RGS5: variants seen among roughly 807,000 people sequenced by gnomAD.
RGS5 encodes the protein regulator of G-protein signalling 5.
A neutral mutation model predicts 18.9 loss-of-function variants in RGS5; 20 were observed. That is an observed-to-expected ratio of 1.06 (90% confidence interval 0.74 to 1.54). RGS5 has a LOEUF of 1.54. RGS5 is among the 40% of genes most tolerant of loss of function. The pLI is 0.00. For missense variants in RGS5, 201 were observed against 211.8 expected (o/e 0.95, Z 0.32); for synonymous variants, 57 against 76.2 (o/e 0.75, Z 1.31).
intron 1 of RGS5, among the ~76,000 whole-genome samples, chr1:163,173,468 C>T (rs548788943): frequency 9.9e-4 from 150 of 152,254 alleles, no homozygotes; most frequent in Non-Finnish European, 1.8e-3. Flanking sequence ...CTCAAAAGGC[C>T]ACGGACCACC....
At chr1:163,222,439 G>A (rs1394790661), upstream of RGS5, among the ~76,000 whole-genome samples, 1 of 152,010 alleles carries the variant, frequency 6.6e-6, no homozygotes, top group East Asian at 1.9e-4. Flanking sequence ...CCGGTCCCTA[G>A]TGCCAAAAAG....
At chr1:163,210,147 G>A (rs1384059217) in intron 1 of RGS5, among the ~76,000 whole-genome samples, 5 of 148,754 alleles carry the variant, frequency 3.4e-5, no homozygotes, top group South Asian at 4.3e-4. Flanking sequence ...GCACCACCAC[G>A]CCCAACTAAT....
intron 1 of RGS5, among the ~76,000 whole-genome samples, chr1:163,209,482 T>G (rs1339556876): frequency 6.6e-6 from 1 of 152,194 alleles, no homozygotes; most frequent in Non-Finnish European, 1.5e-5. Context: ...GACATCTTTA[T>G]AGCATTAAGT....
upstream of RGS5, among the ~76,000 whole-genome samples, chr1:163,220,864 A>T (rs546236530): frequency 6.6e-5 from 10 of 152,254 alleles, 1 homozygote; most frequent in African/African-American, 2.4e-4. Flanking sequence ...AAAAGTTTGG[A>T]GTGGTGCAAG....
intron 1 of RGS5, among the ~76,000 whole-genome samples, chr1:163,209,139 G>C (rs566402369): frequency 6.6e-6 from 1 of 152,028 alleles, no homozygotes; most frequent in Non-Finnish European, 1.5e-5. Flanking sequence ...AACCAAAAAG[G>C]CCCTTCCTCC....
At chr1:163,240,066 T>G (rs1647747469) in intron 2 of RGS5, among the ~76,000 whole-genome samples, 1 of 151,660 alleles carries the variant, frequency 6.6e-6, no homozygotes, top group Non-Finnish European at 1.5e-5. Context: ...TTTTTTTCAT[T>G]AAAAGGAAAA....
upstream of RGS5, among the ~76,000 whole-genome samples, chr1:163,221,662 A>C (rs1647231213): frequency 6.6e-6 from 1 of 152,212 alleles, no homozygotes; most frequent in African/African-American, 2.4e-5. Flanking sequence ...AGAAAAAAAT[A>C]TTTGCCAGCT....
chr1:163,215,346 C>T (rs1423761371), intron 1 of RGS5, among the ~76,000 whole-genome samples: 2 of 152,100 alleles, frequency 1.3e-5, no homozygotes, highest in African/African-American at 4.8e-5. Context: ...GCAAGTTATC[C>T]AAACTCTCTG....
chr1:163,242,753 C>T (rs1446894292), intron 2 of RGS5, among the ~76,000 whole-genome samples: 1 of 152,064 alleles, frequency 6.6e-6, no homozygotes, highest in East Asian at 1.9e-4. Context: ...GAAAGTTCAG[C>T]AGGGGAAATG....
upstream of RGS5, among the ~76,000 whole-genome samples, chr1:163,220,163 G>A (rs1392922844): frequency 6.6e-6 from 1 of 152,102 alleles, no homozygotes; most frequent in Non-Finnish European, 1.5e-5. Flanking sequence ...CAGTGAAGTT[G>A]AGCTCCTTTA....
intron 1 of RGS5, among the ~76,000 whole-genome samples, chr1:163,178,310 T>G (rs1286048381): frequency 6.6e-6 from 1 of 151,520 alleles, no homozygotes; most frequent in African/African-American, 2.4e-5. Context: ...AGACTCTGTC[T>G]CAAAAGAATT....
In RGS5 at chr1:163,185,190, C is replaced by T. The variant is rs1247002006; in HGVS notation, c.45-16822G>A. On this transcript the variant is annotated intron_variant, in intron 1 of 4. Coordinates refer to ENST00000313961, the MANE Select transcript of RGS5 (RefSeq NM_003617.4). ...AAGCTCAAACCAGGCAAGACAGGGT[C>T]CTATAGTCTTTATTTACACACACAC... Among the ~76,000 whole-genome samples, 3 of 151,962 alleles carry T rather than the reference C, an allele frequency of 2.0e-5. No homozygotes were observed. In the South Asian group the frequency reaches 6.2e-4, roughly 32 times the overall value.
Position 163,314,614 on chromosome 1 carries a change from G to A in RGS5, c.-378+7008C>T, listed in dbSNP as rs141101035. Among the ~76,000 whole-genome samples the A allele has an allele frequency of 1.6e-3, 249 of 152,146 alleles. 1 individual carries two copies. The highest frequency in any genetic ancestry group is 0.014 in the Middle Eastern group (4 of 292). ...TTTTCTGATTTATGATAGTTATTATGAGTTTCATTTTTTAAAAATTCCCCT... is the reference window on the plus strand; with the variant it reads ...TTTTCTGATTTATGATAGTTATTATAAGTTTCATTTTTTAAAAATTCCCCT... On this transcript the variant is annotated intron_variant, in intron 1 of 5. Transcript: ENST00000618415.
Position 163,202,841 on chromosome 1 carries a change from C to T in RGS5, c.-6G>A. 6.2e-7 allele frequency: 1 copy of T among 1,613,346 alleles called. No individual in the cohort carries two copies. Among genetic ancestry groups the T allele is most frequent in the Non-Finnish European group, 8.5e-7 (1 of 1,179,506 alleles). On this transcript the variant is annotated 5_prime_UTR_variant, in exon 1 of 5. Coordinates refer to ENST00000313961, the MANE Select transcript of RGS5 (RefSeq NM_003617.4). ...GCTGCAAGTCCTTTGCACATTTTGG[C>T]AGGTGGCTTAGCTCCTCCGCTTTAA...
intron 1 of RGS5, among the ~76,000 whole-genome samples, chr1:163,191,325 C>T (rs780178190): frequency 8.0e-5 from 12 of 150,752 alleles, no homozygotes; most frequent in Non-Finnish European, 1.8e-4. Context: ...GTGTCAGATG[C>T]AAATGCTCAA....
intron 1 of RGS5, among the ~76,000 whole-genome samples, chr1:163,186,591 A>T (rs1009393776): frequency 2.1e-5 from 3 of 140,154 alleles, no homozygotes; most frequent in African/African-American, 8.4e-5. Flanking sequence ...AAAAAAAAAA[A>T]AAAAAAGAAA....
chr1:163,296,786 C>A (rs905822638), intron 2 of RGS5, among the ~76,000 whole-genome samples: 13 of 152,146 alleles, frequency 8.5e-5, no homozygotes, highest in Non-Finnish European at 1.6e-4. Context: ...TCAAGGTACA[C>A]TACCCCAAAA....
chr1:163,143,992 A>AT lies in RGS5; in HGVS notation c.*3349dup, dbSNP rs974331824. 2.0e-5 allele frequency: 3 copies of AT among 152,132 alleles called. No individual in the cohort carries two copies. The highest frequency in any genetic ancestry group is 4.8e-5 in the African/African-American group (2 of 41,430). 9.4% of individuals were successfully genotyped at this position (152,132 alleles called of 1,614,324 possible). A position where few individuals can be genotyped will look rare whatever the true frequency, so the allele number is the denominator to read the frequency against. ...AATAAAATCCATGGCTTTGTAAAGG[A>AT]TAAAAAAAAAATTAAAATAATTTAT... On this transcript the variant is annotated 3_prime_UTR_variant, in exon 5 of 5. Transcript: ENST00000313961.
chr1:163,192,003 C>G (rs544258925), intron 1 of RGS5, among the ~76,000 whole-genome samples: 4 of 152,252 alleles, frequency 2.6e-5, no homozygotes, highest in African/African-American at 9.6e-5. Flanking sequence ...GGGTGGTGTG[C>G]CTGAAGAAGT....
Sources: gnomAD v4.1 joint callset for allele counts (sites outside exome capture counted in the v4.1 genomes callset) on GRCh38, gnomAD v4.1.1 for gene constraint, MANE v1.5 for transcripts, NCBI Gene and HGNC (gene_info 2026-07-23, HGNC 2026-07-21) for gene names.